SLAIN2: variants seen among roughly 807,000 people sequenced by gnomAD.
SLAIN2 encodes SLAIN motif-containing protein 2.
Under a neutral mutation model 56.6 loss-of-function variants are expected in SLAIN2, and 31 were observed. That is an observed-to-expected ratio of 0.55 (90% CI 0.41 to 0.74). The LOEUF (loss-of-function observed/expected upper bound fraction) is 0.74, where lower values mean the gene tolerates loss of function less well. Among genes scored for constraint, SLAIN2 ranks in the 30% least tolerant of loss-of-function variants. The pLI, the probability that SLAIN2 is intolerant of heterozygous loss-of-function variation, is 0.00. For missense variants in SLAIN2, 777 were observed against 754.2 expected (o/e 1.03, Z -0.35); for synonymous variants, 317 against 284.9 (o/e 1.11, Z -1.13).
chr4:48,421,778 A>G (rs934185276), intron 7 of SLAIN2, among the ~76,000 whole-genome samples: 1 of 151,334 alleles, frequency 6.6e-6, no homozygotes, highest in African/African-American at 2.4e-5. Flanking sequence ...TCTTTTATCT[A>G]GTAGCTATGT....
At chr4:48,364,321 G>A (rs1245985890) in intron 1 of SLAIN2, among the ~76,000 whole-genome samples, 4 of 94,078 alleles carry the variant, frequency 4.3e-5, no homozygotes, top group Admixed American at 1.0e-4. Flanking sequence ...ATGTGATGGC[G>A]GCTGGGAAGA....
intron 2 of SLAIN2, among the ~76,000 whole-genome samples, chr4:48,376,913 C>CTTTTTTTTT (rs11347630): frequency 1.8e-5 from 2 of 111,744 alleles, no homozygotes; most frequent in African/African-American, 6.9e-5. Flanking sequence ...GCCCGGCCGA[C>CTTTTTTTTT]TTTTTTTTTT....
Position 48,398,117 on chromosome 4 carries a change from C to G in SLAIN2, c.1360+14333C>G, listed in dbSNP as rs186615405. Among the ~76,000 whole-genome samples the G allele has an allele frequency of 5.3e-5, 8 of 152,318 alleles. No homozygotes were observed. In the East Asian group the frequency reaches 1.5e-3, roughly 29 times the overall value. On this transcript the variant is annotated intron_variant, in intron 6 of 7. Coordinates refer to ENST00000264313, the MANE Select transcript of SLAIN2 (RefSeq NM_020846.2). ...TCCACAGTGGTTGAACTAATTTACACTCCCACCAGCAGTCTAAGTGTTCCT... is the reference window on the plus strand; with the variant it reads ...TCCACAGTGGTTGAACTAATTTACAGTCCCACCAGCAGTCTAAGTGTTCCT...
chr4:48,352,508 A>C (rs138394039), intron 1 of SLAIN2, among the ~76,000 whole-genome samples: 2 of 152,280 alleles, frequency 1.3e-5, no homozygotes, highest in African/African-American at 4.8e-5. Flanking sequence ...GATAATCCCA[A>C]ACAGGATTCT....
chr4:48,358,994 T>C (rs1168604763), intron 1 of SLAIN2, among the ~76,000 whole-genome samples: 4 of 152,214 alleles, frequency 2.6e-5, no homozygotes, highest in Non-Finnish European at 4.4e-5. Flanking sequence ...GTGCTGGGAT[T>C]ACAGGCATGA....
chr4:48,371,971 TACACACACACACACACACGCGCGCAC>T (rs1169754856), intron 2 of SLAIN2, among the ~76,000 whole-genome samples: 28 of 148,096 alleles, frequency 1.9e-4, no homozygotes, highest in South Asian at 4.3e-4. Context: ...AAAAAGTATA[TACACACACACACACACACGCGCGCAC>T]ACACACACAC....
At chr4:48,420,623 A>T in intron 7 of SLAIN2, 180 bp downstream of exon 7, 2 of 777,110 alleles carry the variant, frequency 2.6e-6, no homozygotes, top group Non-Finnish European at 4.0e-6. Context: ...CTCATTTGGG[A>T]CTTTTACCAG....
chr4:48,343,856 A>G (rs1247846719), intron 1 of SLAIN2, among the ~76,000 whole-genome samples: 3 of 152,242 alleles, frequency 2.0e-5, no homozygotes, highest in African/African-American at 7.2e-5. Context: ...TATAAATGTG[A>G]AATTGCATTC....
At chr4:48,401,784 T>C (rs1716563310) in intron 6 of SLAIN2, among the ~76,000 whole-genome samples, 1 of 152,192 alleles carries the variant, frequency 6.6e-6, no homozygotes, top group Admixed American at 6.5e-5. Context: ...AAAGTTAATA[T>C]TGTTATGTGT....
At chr4:48,385,136 G>T (rs1313397697) in intron 6 of SLAIN2, among the ~76,000 whole-genome samples, 5 of 152,170 alleles carry the variant, frequency 3.3e-5, no homozygotes, top group Non-Finnish European at 7.4e-5. Flanking sequence ...GCCAAACTGA[G>T]CCAAGAAGTA....
chr4:48,342,045 G>A lies in SLAIN2; in HGVS notation c.306G>A (p.Glu102=). 7.2e-7 allele frequency: 1 copy of A among 1,394,672 alleles called. No homozygotes were observed. Among genetic ancestry groups the A allele is most frequent in the East Asian group, 3.1e-5 (1 of 32,782 alleles). 86.4% of individuals were successfully genotyped at this position (1,394,672 alleles called of 1,614,324 possible). Residue 102 remains glutamate (E), a synonymous_variant, in exon 1 of 8, where the codon GAG becomes GAA. Coordinates refer to ENST00000264313, the MANE Select transcript of SLAIN2 (RefSeq NM_020846.2). ...RDATSLLAAG[E]GGLLDEVEPL... is the part of the protein sequence containing the mutation. The stretch of plus-strand genomic sequence containing the variant: ...CCACCTCCTTGCTAGCGGCGGGCGA[G>A]GGCGGCTTGCTGGACGAGGTGGAGC...
intron 2 of SLAIN2, among the ~76,000 whole-genome samples, chr4:48,372,993 G>A (rs1352194845): frequency 6.6e-6 from 1 of 152,044 alleles, no homozygotes; most frequent in Admixed American, 6.5e-5. Flanking sequence ...GTTCGCTGCA[G>A]CGCACTATCA....
chr4:48,417,782 C>G (rs556214996), intron 6 of SLAIN2, among the ~76,000 whole-genome samples: 1 of 149,818 alleles, frequency 6.7e-6, no homozygotes, highest in South Asian at 2.1e-4. Context: ...CAGAAAAAGC[C>G]TTTGACAAAA....
At chr4:48,355,318 A>G (rs1239528540) in intron 1 of SLAIN2, among the ~76,000 whole-genome samples, 1 of 152,190 alleles carries the variant, frequency 6.6e-6, no homozygotes, top group Admixed American at 6.5e-5. Flanking sequence ...GATGATGTGA[A>G]ATATTCTTAT....
intron 6 of SLAIN2, among the ~76,000 whole-genome samples, chr4:48,384,548 T>C (rs747610828): frequency 3.3e-5 from 5 of 152,224 alleles, no homozygotes; most frequent in Non-Finnish European, 5.9e-5. Context: ...CTTTAAATTA[T>C]CTTTCAGAAA....
chr4:48,397,197 G>T (rs1440930359), intron 6 of SLAIN2, among the ~76,000 whole-genome samples: 9 of 152,180 alleles, frequency 5.9e-5, no homozygotes, highest in Non-Finnish European at 1.3e-4. Context: ...TGAATGCAGA[G>T]ATAACAGGAT....
chr4:48,383,896 C>T, intron 6 of SLAIN2, 112 bp downstream of exon 6: 1 of 1,156,634 alleles, frequency 8.6e-7, no homozygotes, highest in Non-Finnish European at 1.2e-6. Flanking sequence ...CCGTTTTAAA[C>T]CATAGCTATA....
At chr4:48,364,208 C>G (rs1485282555) in intron 1 of SLAIN2, among the ~76,000 whole-genome samples, 1 of 71,096 alleles carries the variant, frequency 1.4e-5, no homozygotes, top group Admixed American at 1.2e-4. Flanking sequence ...GGGTCTCGGC[C>G]GGGCAGAGGC....
At chr4:48,360,357 T>C (rs1028086702) in intron 1 of SLAIN2, among the ~76,000 whole-genome samples, 5 of 152,016 alleles carry the variant, frequency 3.3e-5, no homozygotes, top group Non-Finnish European at 7.4e-5. Context: ...TTTGGGAGGC[T>C]GAAGTGGGTG....
Sources: allele counts gnomAD v4.1 joint callset (sites outside exome capture counted in the v4.1 genomes callset), GRCh38; gene constraint gnomAD v4.1.1; transcripts MANE v1.5; gene names NCBI Gene and HGNC (gene_info 2026-07-23, HGNC 2026-07-21).